Variants in GABRB3 observed in about 807,000 individuals in gnomAD.
GABRB3 encodes the protein gamma-aminobutyric acid type A receptor subunit beta3.
A neutral mutation model predicts 52.1 loss-of-function variants in GABRB3; 14 were observed. The observed-to-expected ratio is 0.27, with a 90% CI of 0.18 to 0.42. The LOEUF (loss-of-function observed/expected upper bound fraction) is 0.42. Among genes scored for constraint, GABRB3 ranks in the 10% least tolerant of loss-of-function variants. The pLI is 1.00. For missense variants in GABRB3, 307 were observed against 609.1 expected (o/e 0.50, Z 5.22); for synonymous variants, 260 against 232.3 (o/e 1.12, Z -1.08).
intron 3 of GABRB3, among the ~76,000 whole-genome samples, chr15:26,673,731 C>G (rs1335452290): frequency 6.6e-6 from 1 of 152,206 alleles, no homozygotes; most frequent in Non-Finnish European, 1.5e-5. Context: ...AAATGCCACT[C>G]TTCACGGCAG....
At chr15:26,771,405 T>C (rs1891139348) in intron 3 of GABRB3, among the ~76,000 whole-genome samples, 1 of 152,194 alleles carries the variant, frequency 6.6e-6, no homozygotes, top group Admixed American at 6.5e-5. Context: ...TTAAGAAGCC[T>C]ACAGAGTGGA....
At chr15:26,691,429 C>T (rs1888585154) in intron 3 of GABRB3, among the ~76,000 whole-genome samples, 1 of 152,294 alleles carries the variant, frequency 6.6e-6, no homozygotes, top group East Asian at 1.9e-4. Flanking sequence ...CCCCAGGGAG[C>T]CTCTGGCCCT....
chr15:26,724,318 T>G (rs1371759879), intron 3 of GABRB3, among the ~76,000 whole-genome samples: 1 of 152,094 alleles, frequency 6.6e-6, no homozygotes, highest in East Asian at 1.9e-4. Flanking sequence ...TGAACCCCCC[T>G]CTTGGCCAAG....
chr15:26,746,454 C>A (rs1489741725), intron 3 of GABRB3, among the ~76,000 whole-genome samples: 1 of 152,058 alleles, frequency 6.6e-6, no homozygotes, highest in Non-Finnish European at 1.5e-5. Context: ...GTTCAGTCTA[C>A]CAATTTTTCC....
chr15:26,757,323 G>A (rs1890690506), intron 3 of GABRB3, among the ~76,000 whole-genome samples: 1 of 152,050 alleles, frequency 6.6e-6, no homozygotes, highest in African/African-American at 2.4e-5. Context: ...AGCGTCCCTA[G>A]GAGCTGTAAT....
At position 26,683,991 on chromosome 15, in the gene GABRB3, C is replaced by T. The variant is rs113778235; in HGVS notation, c.241-62457G>A. ...GTTATTATAAGGAATATAATAGGTT[C>T]CCTTCATCCAAGGAATGGGAAAAAC... On this transcript the variant is annotated intron_variant, in intron 3 of 8. Coordinates refer to ENST00000311550, the MANE Select transcript of GABRB3 (RefSeq NM_000814.6). 2.5e-3 allele frequency among the ~76,000 whole-genome samples: 385 copies of T among 151,564 alleles called. 4 individuals are homozygous for T. Among genetic ancestry groups the T allele is most frequent in the African/African-American group, 8.7e-3 (358 of 41,212 alleles).
chr15:26,709,675 G>A lies in GABRB3; in HGVS notation c.240+62727C>T, dbSNP rs910630749. 5.3e-5 allele frequency among the ~76,000 whole-genome samples: 8 copies of A among 151,740 alleles called. No homozygotes were observed. In the East Asian group the frequency reaches 9.8e-4, roughly 19 times the overall value. On this transcript the variant is annotated intron_variant, in intron 3 of 8. Transcript: ENST00000311550. ...TGGGACTCCAGGTGCCCACCACCAC[G>A]CCCAGCTAATTTTTTGTATTTCTAG... is the stretch of plus-strand genomic sequence containing the variant.
intron 3 of GABRB3, among the ~76,000 whole-genome samples, chr15:26,746,945 C>T (rs1292643860): frequency 6.6e-6 from 1 of 152,174 alleles, no homozygotes; most frequent in Non-Finnish European, 1.5e-5. Flanking sequence ...AGAGATCGCA[C>T]TACTGCACTC....
At chr15:26,616,447 AGTTTAG>A (rs1892260060) in intron 4 of GABRB3, among the ~76,000 whole-genome samples, 1 of 152,160 alleles carries the variant, frequency 6.6e-6, no homozygotes, top group South Asian at 2.1e-4. Flanking sequence ...AGATGATGTA[AGTTTAG>A]CTGCTAAACA....
chr15:26,666,465 G>C (rs1887714631), intron 3 of GABRB3: 2 of 152,204 alleles, frequency 1.3e-5, no homozygotes, highest in Non-Finnish European at 2.9e-5. Flanking sequence ...GGGCTGCAGT[G>C]ACCCTGCCAG....
At chr15:26,724,617 T>G (rs1889723830) in intron 3 of GABRB3, among the ~76,000 whole-genome samples, 1 of 152,134 alleles carries the variant, frequency 6.6e-6, no homozygotes, top group African/African-American at 2.4e-5. Flanking sequence ...GGGTAATGCA[T>G]CCTCTGCTTC....
At chr15:26,640,132 C>G (rs145613483) in intron 3 of GABRB3, among the ~76,000 whole-genome samples, 6 of 152,266 alleles carry the variant, frequency 3.9e-5, no homozygotes, top group Admixed American at 6.5e-5. Flanking sequence ...CAAATGAGCT[C>G]GAGGGAGTTA....
chr15:26,554,187 T>TAAA (rs1460584675), intron 8 of GABRB3, among the ~76,000 whole-genome samples: 2 of 30,296 alleles, frequency 6.6e-5, no homozygotes, highest in Admixed American at 5.1e-4. Context: ...TATATATATA[T>TAAA]ATACTATATA....
At chr15:26,554,126 T>TATATATATATATAAA (rs1567097096) in intron 8 of GABRB3, among the ~76,000 whole-genome samples, 2 of 26,222 alleles carry the variant, frequency 7.6e-5, no homozygotes, top group Admixed American at 4.0e-4. Context: ...AAAGTGTGTG[T>TATATATATATATAAA]GTATATATAT....
At chr15:26,641,674 T>G (rs559258198) in intron 3 of GABRB3, among the ~76,000 whole-genome samples, 1 of 152,314 alleles carries the variant, frequency 6.6e-6, no homozygotes, top group African/African-American at 2.4e-5. Context: ...ATGCCGACAC[T>G]ACTCTACCAG....
chr15:26,625,481 G>C (rs1892654769), intron 3 of GABRB3: 1 of 985,264 alleles, frequency 1.0e-6, no homozygotes, highest in African/African-American at 1.7e-5. Flanking sequence ...GTCACAAAGA[G>C]ATGGAATTTG....
intron 3 of GABRB3, among the ~76,000 whole-genome samples, chr15:26,721,289 G>C (rs942029154): frequency 3.3e-5 from 5 of 152,160 alleles, no homozygotes; most frequent in Non-Finnish European, 5.9e-5. Context: ...CAGAGCAGAA[G>C]TGGCCCTTTG....
intron 3 of GABRB3, among the ~76,000 whole-genome samples, chr15:26,759,117 C>T (rs1043217758): frequency 6.6e-6 from 1 of 152,134 alleles, no homozygotes; most frequent in African/African-American, 2.4e-5. Context: ...AAGCAATTTT[C>T]CTGGTCTCTC....
chr15:26,710,226 C>A (rs957871315), intron 3 of GABRB3, among the ~76,000 whole-genome samples: 1 of 152,110 alleles, frequency 6.6e-6, no homozygotes, highest in African/African-American at 2.4e-5. Context: ...GAATACCCTG[C>A]ACAGAAATCG....
Sources: allele counts gnomAD v4.1 joint callset (sites outside exome capture counted in the v4.1 genomes callset), GRCh38; gene constraint gnomAD v4.1.1; transcripts MANE v1.5; gene names NCBI Gene and HGNC (gene_info 2026-07-23, HGNC 2026-07-21).